SELENBP1: variants seen among roughly 807,000 people sequenced by gnomAD.
SELENBP1 encodes selenium binding protein 1.
In SELENBP1, 71 loss-of-function variants were observed where a neutral mutation model predicts 61.0. The observed-to-expected ratio is 1.16, with a 90% CI of 0.96 to 1.42. The LOEUF is 1.42. SELENBP1 is among the 40% of genes most tolerant of loss of function. The pLI is 0.00. For missense variants in SELENBP1, 561 were observed against 605.0 expected (o/e 0.93, Z 0.76); for synonymous variants, 270 against 238.9 (o/e 1.13, Z -1.20).
chr1:151,369,797 G>A (rs1417435813), intron 1 of SELENBP1, 28 bp from the exon 2 acceptor site: 10 of 1,551,802 alleles, frequency 6.4e-6, no homozygotes, highest in Non-Finnish European at 5.2e-6. Flanking sequence ...CGCATTGGCT[G>A]GGCCACGCTC....
chr1:151,370,704 G>A (rs1467440190), intron 1 of SELENBP1, among the ~76,000 whole-genome samples: 1 of 152,116 alleles, frequency 6.6e-6, no homozygotes, highest in African/African-American at 2.4e-5. Context: ...GGGGAGCAGG[G>A]GTTAAAGAAT....
At position 151,366,766 on chromosome 1, in the gene SELENBP1, G is replaced by GAAT; in HGVS notation, c.619_620insATT (p.Pro207delinsHisSer). On this transcript the variant is annotated protein_altering_variant, in exon 6 of 12. Transcript: ENST00000368868. Reference sequence around the variant, plus strand: ...GTTGAAGCCATCTCGTAAGACATTGGGAGCTGCCCACTCAGTGCTGATCAT... The same window carrying GAAT: ...GTTGAAGCCATCTCGTAAGACATTGGAATGAGCTGCCCACTCAGTGCTGATCAT... 6.2e-7 allele frequency: 1 copy of GAAT among 1,614,078 alleles called. No homozygotes were observed.
At position 151,365,535 on chromosome 1, in the gene SELENBP1, C is replaced by T. The variant is rs760026797; in HGVS notation, c.1044+28G>A. ...GCTTCTCTTCTCTTTCCTTCCTTCC[C>T]TTCTGCTCCTCCTGCCAGGGTCTCC... On this transcript the variant is annotated intron_variant, in intron 9 of 11. Coordinates refer to ENST00000368868, the MANE Select transcript of SELENBP1 (RefSeq NM_003944.4). The T allele has an allele frequency of 6.8e-6, 11 of 1,613,512 alleles. No individual in the cohort carries two copies. In the African/African-American group the frequency reaches 1.3e-4, roughly 20 times the overall value.
At position 151,369,198 on chromosome 1, in the gene SELENBP1, C is replaced by A. The variant is rs567710844; in HGVS notation, c.175-9G>T. 115 of 1,603,574 alleles carry A rather than the reference C, an allele frequency of 7.2e-5. No individual in the cohort carries two copies. The Admixed American group carries it at 1.9e-3, about 26-fold the overall frequency. On this transcript the variant is annotated splice_polypyrimidine_tract_variant and intron_variant, in intron 3 of 11. Coordinates refer to ENST00000368868, the MANE Select transcript of SELENBP1 (RefSeq NM_003944.4). ...GGCAGCCGGTGGATGACCTAGGATGCGGGGAGAGGTGGTGCTCCCCCAGGC... is the reference window on the plus strand; with the variant it reads ...GGCAGCCGGTGGATGACCTAGGATGAGGGGAGAGGTGGTGCTCCCCCAGGC...
At chr1:151,370,728 G>A (rs1442476418) in intron 1 of SELENBP1, among the ~76,000 whole-genome samples, 1 of 152,158 alleles carries the variant, frequency 6.6e-6, no homozygotes, top group Non-Finnish European at 1.5e-5. Context: ...CAGAGGGGGT[G>A]GCAGGCTGAA....
chr1:151,370,636 C>T (rs1652093007), intron 1 of SELENBP1, among the ~76,000 whole-genome samples: 1 of 152,226 alleles, frequency 6.6e-6, no homozygotes, highest in Admixed American at 6.5e-5. Flanking sequence ...AGCAGATGTG[C>T]AGTAGGGCTG....
Position 151,365,569 on chromosome 1 carries a change from T to C in SELENBP1, c.1038A>G (p.Thr346=), listed in dbSNP as rs769279661. 12 of 1,614,146 alleles carry C rather than the reference T, an allele frequency of 7.4e-6. No individual in the cohort carries two copies. The South Asian group carries it at 1.1e-4, about 15-fold the overall frequency. The change falls in exon 9 of 12, where the codon ACA becomes ACG. Residue 346 remains threonine, a synonymous_variant. Coordinates refer to ENST00000368868, the MANE Select transcript of SELENBP1 (RefSeq NM_003944.4). ...DISDPQRPRL[T]GQLFLGGSIV... is the part of the protein sequence containing the mutation. The stretch of plus-strand genomic sequence containing the variant: ...CTCCTGCCAGGGTCTCCACCTGTCC[T>C]GTGAGGCGGGGTCTCTGTGGGTCAG...
At chr1:151,364,792 G>C in intron 11 of SELENBP1, 87 bp from the exon 12 acceptor site, 1 of 1,514,168 alleles carries the variant, frequency 6.6e-7, no homozygotes, top group Non-Finnish European at 8.9e-7. Context: ...CCTGAGGAAG[G>C]AGGAATGACC....
At chr1:151,365,938 T>A in intron 7 of SELENBP1, 92 bp from the exon 8 acceptor site, 3 of 1,358,496 alleles carry the variant, frequency 2.2e-6, no homozygotes, top group Non-Finnish European at 3.1e-6. Flanking sequence ...TGCCCAGACC[T>A]GGGAGGGAGA....
rs778969285 is a variant in SELENBP1 at position 151,369,154 on chromosome 1, G to T, written c.210C>A (p.Asp70Glu). 6.2e-7 allele frequency: 1 copy of T among 1,613,110 alleles called. No homozygotes were observed. The highest frequency in any genetic ancestry group is 8.5e-7 in the Non-Finnish European group (1 of 1,179,254). ...IHRLPMPNLK[D>E]ELHHSGWNTC... ...TGTTCCATCCTGAGTGATGCAGCTCGTCCTTCAGGTTGGGCATGGGCAGCC... is the reference window on the plus strand; with the variant it reads ...TGTTCCATCCTGAGTGATGCAGCTCTTCCTTCAGGTTGGGCATGGGCAGCC... Residue 70 changes from aspartate to glutamate, a missense_variant, in exon 4 of 12, where the codon GAC becomes GAA. By Grantham distance (45) the Asp-to-Glu change is conservative. Transcript: ENST00000368868.
intron 7 of SELENBP1, 51 bp downstream of exon 7, chr1:151,366,224 A>C: frequency 1.1e-5 from 18 of 1,580,120 alleles, no homozygotes; most frequent in Non-Finnish European, 1.5e-5. Context: ...CTGCTTAGGT[A>C]GAGCTGCTGA....
chr1:151,370,361 C>T (rs1457447124), intron 1 of SELENBP1: 1 of 163,446 alleles, frequency 6.1e-6, no homozygotes, highest in Non-Finnish European at 1.4e-5. Flanking sequence ...GAGGCCACTT[C>T]CTGCTTTTCT....
At chr1:151,371,338 G>GT (rs1652128766) in intron 1 of SELENBP1, among the ~76,000 whole-genome samples, 1 of 152,064 alleles carries the variant, frequency 6.6e-6, no homozygotes, top group African/African-American at 2.4e-5. Flanking sequence ...AACCTGGGAG[G>GT]TGGAGGCTGC....
chr1:151,370,265 C>T (rs1652077121), intron 1 of SELENBP1: 1 of 220,488 alleles, frequency 4.5e-6, no homozygotes, highest in Non-Finnish European at 9.8e-6. Flanking sequence ...AGCCCAGGCA[C>T]CCTTGGCTGT....
chr1:151,370,026 G>A, intron 1 of SELENBP1: 18 of 1,435,308 alleles, frequency 1.3e-5, no homozygotes, highest in Non-Finnish European at 1.6e-5. Context: ...GGTGGGAGGA[G>A]GGCTGATGCA....
At chr1:151,371,077 A>G (rs1177559813) in intron 1 of SELENBP1, among the ~76,000 whole-genome samples, 1 of 152,198 alleles carries the variant, frequency 6.6e-6, no homozygotes, top group African/African-American at 2.4e-5. Context: ...AATGTATTCC[A>G]AAGGCCTTTC....
At chr1:151,366,974 C>G in intron 5 of SELENBP1, 70 bp from the exon 6 acceptor site, 1 of 1,562,834 alleles carries the variant, frequency 6.4e-7, no homozygotes, top group Non-Finnish European at 8.7e-7. Context: ...CCAGCCCTCT[C>G]CCCGAGGCAT....
rs974613540 is a variant in SELENBP1, at chr1:151,366,098, A to C, written c.843+177T>G. 9 of 810,530 alleles carry C rather than the reference A, an allele frequency of 1.1e-5. No homozygotes were observed. In the South Asian group the frequency reaches 1.5e-4, roughly 14 times the overall value. 50.2% of individuals were successfully genotyped at this position (810,530 alleles called of 1,614,324 possible). On this transcript the variant is annotated intron_variant, in intron 7 of 11. Transcript: ENST00000368868. ...TAAGTAGTTTTTGAATGAATGGATA[A>C]ATACGGCCAGTTAGGGTTCAGGCAG...
rs1175393569 is a variant in SELENBP1, at chr1:151,368,252, G to A, written c.428C>T (p.Ala143Val). 1.4e-5 allele frequency: 23 copies of A among 1,614,164 alleles called. No individual in the cohort carries two copies. The highest frequency in any genetic ancestry group is 2.7e-5 in the African/African-American group (2 of 75,034). The change falls in exon 5 of 12, where the codon GCC becomes GTC. Residue 143 changes from alanine (A) to valine (V), a missense_variant. Physicochemically the swap from Ala to Val is moderately conservative, Grantham distance 64. Transcript: ENST00000368868. Reference protein sequence around the residue: ...LAFLHTSHCLASGEVMISSLG... With the variant: ...LAFLHTSHCLVSGEVMISSLG... ...GGAGCTGATCATCACTTCCCCGCTGGCCAGGCAGTGGCTGGTGTGGAGAAA... is the reference window on the plus strand; with the variant it reads ...GGAGCTGATCATCACTTCCCCGCTGACCAGGCAGTGGCTGGTGTGGAGAAA...
Sources: gnomAD v4.1 joint callset for allele counts (sites outside exome capture counted in the v4.1 genomes callset) on GRCh38, gnomAD v4.1.1 for gene constraint, MANE v1.5 for transcripts, NCBI Gene and HGNC (gene_info 2026-07-23, HGNC 2026-07-21) for gene names.